The following GRM7 variants were observed in gnomAD, a reference collection of about 807,000 sequenced individuals.
The protein encoded by GRM7 is glutamate metabotropic receptor 7, also known as metabotropic glutamate receptor 7.
In GRM7, 35 loss-of-function variants were observed where a neutral mutation model predicts 84.5. That is an observed-to-expected ratio of 0.41 (90% CI 0.32 to 0.55). GRM7 has a LOEUF of 0.55. Ranked by LOEUF, GRM7 falls within the 20% of genes least tolerant of loss-of-function variation. GRM7 has a pLI of 0.19. For synonymous variants in GRM7, 487 were observed against 455.1 expected (o/e 1.07, Z -0.89); for missense variants, 1,003 against 1,194.6 (o/e 0.84, Z 2.36).
At chr3:7,263,731 C>A (rs73809045) in intron 2 of GRM7, among the ~76,000 whole-genome samples, 1 of 152,004 alleles carries the variant, frequency 6.6e-6, no homozygotes, top group African/African-American at 2.4e-5. Flanking sequence ...AGCAGTGTGA[C>A]GGCAGGGGTG....
At chr3:7,338,060 T>TC (rs1701490473) in intron 4 of GRM7, among the ~76,000 whole-genome samples, 1 of 151,184 alleles carries the variant, frequency 6.6e-6, no homozygotes, top group African/African-American at 2.4e-5. Flanking sequence ...AATATATATA[T>TC]CCCCCCTTAA....
At chr3:7,724,623 T>A (rs1419611076) in intron 9 of GRM7, among the ~76,000 whole-genome samples, 1 of 152,170 alleles carries the variant, frequency 6.6e-6, no homozygotes, top group Admixed American at 6.5e-5. Flanking sequence ...AAGGTGAAAA[T>A]ACCAGCTGAA....
chr3:6,958,009 C>G (rs990094229), intron 1 of GRM7, among the ~76,000 whole-genome samples: 2 of 152,090 alleles, frequency 1.3e-5, no homozygotes, highest in African/African-American at 2.4e-5. Context: ...TTAAATAACT[C>G]TGTTGAGGTA....
At chr3:7,558,312 A>C (rs1381408698) in intron 7 of GRM7, among the ~76,000 whole-genome samples, 1 of 152,104 alleles carries the variant, frequency 6.6e-6, no homozygotes, top group Non-Finnish European at 1.5e-5. Flanking sequence ...GATGTTCAAT[A>C]ATTATTATTG....
At position 6,862,448 on chromosome 3, in the gene GRM7, G is replaced by A. The variant is rs1039526251; in HGVS notation, c.519+541G>A. ...TAACCTAGATGTGGATGTTAAGTCC[G>A]CATCTCCCTCGGGCTGATTTCCCGA... On this transcript the variant is annotated intron_variant, in intron 1 of 9. Coordinates refer to ENST00000357716, the MANE Select transcript of GRM7 (RefSeq NM_000844.4). The surrounding 1 kb of genome is among the most constrained non-coding windows in gnomAD (Gnocchi z 5.2). Among the ~76,000 whole-genome samples the A allele has an allele frequency of 1.3e-5, 2 of 152,072 alleles. No individual in the cohort carries two copies. Among genetic ancestry groups the A allele is most frequent in the Non-Finnish European group, 1.5e-5 (1 of 68,018 alleles).
At chr3:7,576,574 T>G (rs1575514446) in intron 7 of GRM7, among the ~76,000 whole-genome samples, 1 of 152,202 alleles carries the variant, frequency 6.6e-6, no homozygotes, top group African/African-American at 2.4e-5. Flanking sequence ...AACACAACAC[T>G]GAAATTCCAA....
chr3:7,613,838 G>A (rs1696955850), intron 8 of GRM7, among the ~76,000 whole-genome samples: 1 of 152,040 alleles, frequency 6.6e-6, no homozygotes. Context: ...TGTGGTATAG[G>A]GAAACTCTGC....
intron 4 of GRM7, among the ~76,000 whole-genome samples, chr3:7,374,144 A>G (rs982684017): frequency 1.3e-5 from 2 of 152,196 alleles, no homozygotes; most frequent in African/African-American, 2.4e-5. Context: ...ACTTACTTGC[A>G]TGAAATATTA....
At chr3:7,133,083 A>G (rs1041110148) in intron 1 of GRM7, among the ~76,000 whole-genome samples, 2 of 152,104 alleles carry the variant, frequency 1.3e-5, no homozygotes, top group African/African-American at 4.8e-5. Flanking sequence ...CATGTAACGG[A>G]CTCAGCACTG....
intron 2 of GRM7, among the ~76,000 whole-genome samples, chr3:7,184,385 A>G (rs1695446095): frequency 1.3e-5 from 2 of 150,206 alleles, no homozygotes; most frequent in Non-Finnish European, 2.9e-5. Context: ...TACTAGTTTT[A>G]TATTTCTAAA....
intron 1 of GRM7, among the ~76,000 whole-genome samples, chr3:6,907,637 A>G (rs760833878): frequency 7.2e-5 from 11 of 152,186 alleles, no homozygotes; most frequent in Non-Finnish European, 1.6e-4. Context: ...GGCCATGATA[A>G]AGAGTGGAGG....
intron 2 of GRM7, among the ~76,000 whole-genome samples, chr3:7,238,739 T>C (rs1277340586): frequency 2.2e-5 from 3 of 139,070 alleles, no homozygotes; most frequent in African/African-American, 9.1e-5. Context: ...CTTTTCTTTT[T>C]TTTCTTTTCT....
intron 9 of GRM7, among the ~76,000 whole-genome samples, chr3:7,720,850 T>TAGCC (rs1291664904): frequency 6.6e-6 from 1 of 152,200 alleles, no homozygotes; most frequent in Non-Finnish European, 1.5e-5. Flanking sequence ...CCTCCTCTCA[T>TAGCC]AGCCCTCTCT....
intron 1 of GRM7, among the ~76,000 whole-genome samples, chr3:7,103,243 T>G (rs1699172699): frequency 6.6e-6 from 1 of 151,818 alleles, no homozygotes; most frequent in Non-Finnish European, 1.5e-5. Flanking sequence ...TTGTGGAAAC[T>G]TTGTTTCATG....
intron 9 of GRM7, among the ~76,000 whole-genome samples, chr3:7,694,649 A>AGTTT (rs1403625959): frequency 6.6e-6 from 1 of 152,164 alleles, no homozygotes; most frequent in Non-Finnish European, 1.5e-5. Context: ...AAACACACTC[A>AGTTT]GTTTTCATTT....
intron 1 of GRM7, among the ~76,000 whole-genome samples, chr3:6,999,542 T>G (rs1694939944): frequency 6.6e-6 from 1 of 152,154 alleles, no homozygotes. Context: ...ACTAATTTAC[T>G]TTGTCCATTC....
At chr3:7,377,528 A>G (rs1694403924) in intron 4 of GRM7, among the ~76,000 whole-genome samples, 1 of 152,170 alleles carries the variant, frequency 6.6e-6, no homozygotes, top group South Asian at 2.1e-4. Flanking sequence ...GGAAGAAGAA[A>G]GGGGAGAGAA....
At position 7,293,634 on chromosome 3, in the gene GRM7, G is replaced by A. The variant is rs150550298; in HGVS notation, c.737-5050G>A. ...GCATCAAACTCTGATTAGATTTTCC[G>A]TGTGTCAGAGGGAGAATGTAGTGTG... is the stretch of plus-strand genomic sequence containing the variant. On this transcript the variant is annotated intron_variant, in intron 2 of 9. Transcript: ENST00000357716. 1.2e-3 allele frequency among the ~76,000 whole-genome samples: 180 copies of A among 152,244 alleles called. 1 individual carries two copies. Among genetic ancestry groups the A allele is most frequent in the African/African-American group, 3.4e-3 (143 of 41,554 alleles).
chr3:7,717,137 T>C (rs1489499324), intron 9 of GRM7, among the ~76,000 whole-genome samples: 1 of 152,084 alleles, frequency 6.6e-6, no homozygotes, highest in Non-Finnish European at 1.5e-5. Flanking sequence ...TTCCCTTCCT[T>C]TTTTTTCAAA....
Sources: gnomAD v4.1 joint callset for allele counts (sites outside exome capture counted in the v4.1 genomes callset) on GRCh38, gnomAD v4.1.1 for gene constraint, Gnocchi (gnomAD v3.1) non-coding constraint, MANE v1.5 for transcripts, NCBI Gene and HGNC (gene_info 2026-07-23, HGNC 2026-07-21) for gene names.